Variants in SLC44A5 observed in about 807,000 individuals in gnomAD.
The protein encoded by SLC44A5 is choline transporter-like protein 5.
A neutral mutation model predicts 101.8 loss-of-function variants in SLC44A5; 57 were observed. The observed-to-expected ratio is 0.56, with a 90% CI of 0.45 to 0.70. SLC44A5 has a LOEUF of 0.70. SLC44A5 is among the 30% of genes least tolerant of loss of function. The probability of loss-of-function intolerance (pLI) is 0.00; values close to 1 mark genes in which losing one functional copy is unlikely to be tolerated. For synonymous variants in SLC44A5, 281 were observed against 290.9 expected (o/e 0.97, Z 0.35); for missense variants, 737 against 853.1 (o/e 0.86, Z 1.70).
At chr1:75,714,398 A>G in the SLC44A5 span, among the ~76,000 whole-genome samples, 1 of 152,192 alleles carries the variant, frequency 6.6e-6, no homozygotes, top group Non-Finnish European at 1.5e-5. Context: ...AGAGTCATCT[A>G]TGACAAACCC....
intron 5 of SLC44A5, among the ~76,000 whole-genome samples, chr1:75,295,765 C>G (rs1653913766): frequency 6.6e-6 from 1 of 152,106 alleles, no homozygotes; most frequent in Non-Finnish European, 1.5e-5. Context: ...AATGGCACAA[C>G]CAAAATGTCA....
the SLC44A5 span, among the ~76,000 whole-genome samples, chr1:75,703,366 C>G: frequency 6.6e-6 from 1 of 151,972 alleles, no homozygotes; most frequent in African/African-American, 2.4e-5. Context: ...TGTACGGACA[C>G]GGATGAAGCT....
intron 1 of SLC44A5, among the ~76,000 whole-genome samples, chr1:75,579,336 G>A (rs1319352290): frequency 6.6e-6 from 1 of 152,182 alleles, no homozygotes; most frequent in Non-Finnish European, 1.5e-5. Flanking sequence ...CCAGCTACTT[G>A]GGAGACTGAT....
chr1:75,528,548 T>C lies in SLC44A5; in HGVS notation c.13+12887A>G, dbSNP rs893137908. Among the ~76,000 whole-genome samples, 15 of 152,304 alleles carry C rather than the reference T, an allele frequency of 9.8e-5. No individual in the cohort carries two copies. In the East Asian group the frequency reaches 1.9e-3, roughly 20 times the overall value. On this transcript the variant is annotated intron_variant, in intron 2 of 23. Transcript: ENST00000370859. ...AAATGCAGGCAAACATCTTCTTCTA[T>C]GAAAACATGTGCGACAGTCTCCTCA...
the SLC44A5 span, among the ~76,000 whole-genome samples, chr1:75,684,561 TAAAG>T: frequency 1.3e-5 from 2 of 152,108 alleles, no homozygotes; most frequent in East Asian, 3.9e-4. Flanking sequence ...TTGGCCAAAA[TAAAG>T]GAGCTACAGG....
At chr1:75,355,760 T>C (rs975308754) in intron 3 of SLC44A5, among the ~76,000 whole-genome samples, 1 of 152,206 alleles carries the variant, frequency 6.6e-6, no homozygotes, top group Non-Finnish European at 1.5e-5. Context: ...TACTATGCTG[T>C]CAGTTGTATA....
chr1:75,236,973 G>GTGT lies in SLC44A5; in HGVS notation c.740+11_740+13dup. 1 of 1,427,020 alleles carries GTGT rather than the reference G, an allele frequency of 7.0e-7. No individual in the cohort carries two copies. Among genetic ancestry groups the GTGT allele is most frequent in the Non-Finnish European group, 9.8e-7 (1 of 1,015,674 alleles). The allele number at this position is 1,427,020 out of a possible 1,614,324, so 88.4% of individuals were successfully genotyped here. On this transcript the variant is annotated intron_variant, in intron 11 of 23. Coordinates refer to ENST00000370859, the MANE Select transcript of SLC44A5 (RefSeq NM_001130058.2). ...ATGGGGCTGGAGAAGAAACATCTAT[G>GTGT]TGTTTTCACTTACATGAGAATCCAA...
intron 12 of SLC44A5, among the ~76,000 whole-genome samples, chr1:75,232,783 C>T (rs12568990): frequency 0.28 from 42,895 of 151,998 alleles, 6,364 homozygotes; most frequent in Middle Eastern, 0.36. Context: ...ATATTATAGA[C>T]GAGAATACCA....
At chr1:75,536,552 G>A (rs2101935602) in intron 2 of SLC44A5, among the ~76,000 whole-genome samples, 1 of 132,100 alleles carries the variant, frequency 7.6e-6, no homozygotes, top group Admixed American at 8.6e-5. Flanking sequence ...AGTGAGCCGA[G>A]ATCGCGCCAC....
At chr1:75,298,441 A>G (rs1419608665) in intron 5 of SLC44A5, among the ~76,000 whole-genome samples, 1 of 152,202 alleles carries the variant, frequency 6.6e-6, no homozygotes, top group African/African-American at 2.4e-5. Context: ...TATGTGAATT[A>G]AGACATTTAC....
intron 5 of SLC44A5, among the ~76,000 whole-genome samples, chr1:75,289,219 A>G (rs1653328796): frequency 6.6e-6 from 1 of 152,168 alleles, no homozygotes; most frequent in Non-Finnish European, 1.5e-5. Flanking sequence ...TTTTCAGATA[A>G]TCCAGGCTGC....
At chr1:75,280,853 C>CT (rs1280874383) in intron 5 of SLC44A5, among the ~76,000 whole-genome samples, 1 of 152,066 alleles carries the variant, frequency 6.6e-6, no homozygotes, top group African/African-American at 2.4e-5. Context: ...CCTCCCCAGT[C>CT]ATGCTGAATT....
intron 2 of SLC44A5, among the ~76,000 whole-genome samples, chr1:75,525,782 G>A (rs925488011): frequency 1.6e-4 from 24 of 152,018 alleles, no homozygotes; most frequent in African/African-American, 5.6e-4. Flanking sequence ...GAAATATTAT[G>A]GTAAATATTA....
chr1:75,405,424 C>G (rs1456408056), intron 2 of SLC44A5, among the ~76,000 whole-genome samples: 1 of 152,170 alleles, frequency 6.6e-6, no homozygotes, highest in African/African-American at 2.4e-5. Context: ...CACTACGTTG[C>G]ACTTATTCTA....
intron 4 of SLC44A5, among the ~76,000 whole-genome samples, chr1:75,324,855 C>T (rs147246216): frequency 2.0e-5 from 3 of 152,146 alleles, no homozygotes; most frequent in African/African-American, 7.2e-5. Flanking sequence ...AGATAAATAT[C>T]GCAAGTCAAA....
intron 9 of SLC44A5, among the ~76,000 whole-genome samples, chr1:75,241,485 G>T (rs971988360): frequency 1.5e-4 from 23 of 152,008 alleles, no homozygotes; most frequent in Admixed American, 1.4e-3. Flanking sequence ...CTCCCAAAGT[G>T]CTGGGATTAC....
chr1:75,532,398 T>C (rs1670767378), intron 2 of SLC44A5, among the ~76,000 whole-genome samples: 1 of 109,506 alleles, frequency 9.1e-6, no homozygotes, highest in South Asian at 4.1e-4. Context: ...CATACGGTTG[T>C]TCTGAAAATT....
the SLC44A5 span, among the ~76,000 whole-genome samples, chr1:75,629,873 A>G: frequency 6.6e-6 from 1 of 152,208 alleles, no homozygotes; most frequent in Non-Finnish European, 1.5e-5. Context: ...ATGAAAGGGA[A>G]GAACGCAAAG....
At position 75,469,171 on chromosome 1, in the gene SLC44A5, T is replaced by G. The variant is rs971034665; in HGVS notation, c.13+72264A>C. On this transcript the variant is annotated intron_variant, in intron 2 of 23. Coordinates refer to ENST00000370859, the MANE Select transcript of SLC44A5 (RefSeq NM_001130058.2). The stretch of plus-strand genomic sequence containing the variant: ...ATTTATTTGAGATAAAAATGAGATA[T>G]TTTGAATCCTTTTTGTTTTAACCAA... Among the ~76,000 whole-genome samples the G allele has an allele frequency of 2.0e-5, 3 of 152,168 alleles. No individual in the cohort carries two copies. In the East Asian group the frequency reaches 5.8e-4, roughly 29 times the overall value.
Sources: gnomAD v4.1 joint callset for allele counts (sites outside exome capture counted in the v4.1 genomes callset) on GRCh38, gnomAD v4.1.1 for gene constraint, MANE v1.5 for transcripts, NCBI Gene and HGNC (gene_info 2026-07-23, HGNC 2026-07-21) for gene names.